The following CFAP70 variants were observed in gnomAD, a reference collection of about 807,000 sequenced individuals.
CFAP70 encodes the protein cilia- and flagella-associated protein 70.
A neutral mutation model predicts 137.6 loss-of-function variants in CFAP70; 81 were observed. The ratio of observed to expected loss-of-function variants is 0.59; its 90% CI spans 0.49 to 0.71. The LOEUF (loss-of-function observed/expected upper bound fraction) is 0.71. Among genes scored for constraint, CFAP70 ranks in the 30% least tolerant of loss-of-function variants. The probability of loss-of-function intolerance (pLI) is 0.00; values close to 1 mark genes in which losing one functional copy is unlikely to be tolerated. For synonymous variants in CFAP70, 382 were observed against 423.6 expected, an observed-to-expected ratio of 0.90 and a Z score of 1.20; for missense variants, 976 against 1,226.7, an observed-to-expected ratio of 0.80 and a Z score of 3.05.
chr10:73,304,847 T>TA lies in CFAP70; in HGVS notation c.1257-5183dup, dbSNP rs755417161. On this transcript the variant is annotated intron_variant, in intron 12 of 26. Transcript: ENST00000310715. Reference sequence around the variant, plus strand: ...AAACTCCCATCCCTCCAGATAAACTTAAAAAAAAAAAACACACACACCAGA... The same window carrying TA: ...AAACTCCCATCCCTCCAGATAAACTTAAAAAAAAAAAAACACACACACCAGA... Among the ~76,000 whole-genome samples, 328 of 138,322 alleles carry TA rather than the reference T, an allele frequency of 2.4e-3. 1 individual carries two copies. Among genetic ancestry groups the TA allele is most frequent in the East Asian group, 0.019 (83 of 4,398 alleles). 90.7% of individuals were successfully genotyped at this position (138,322 alleles called of 152,430 possible).
chr10:73,282,689 C>T (rs934964756), intron 19 of CFAP70, among the ~76,000 whole-genome samples: 1 of 151,388 alleles, frequency 6.6e-6, no homozygotes. Flanking sequence ...GTATGAGCCA[C>T]CATGCCCAGC....
At chr10:73,314,115 A>G (rs1348303220) in intron 9 of CFAP70, among the ~76,000 whole-genome samples, 1 of 152,202 alleles carries the variant, frequency 6.6e-6, no homozygotes, top group Non-Finnish European at 1.5e-5. Flanking sequence ...TTTATGTTGA[A>G]TGAAAAGAAC....
At chr10:73,310,106 C>T in intron 12 of CFAP70, 52 bp downstream of exon 13, 1 of 1,227,078 alleles carries the variant, frequency 8.1e-7, no homozygotes, top group South Asian at 1.3e-5. Context: ...CTGACTTCCT[C>T]TTATTTATAC....
At position 73,325,130 on chromosome 10, in the gene CFAP70, C is replaced by T. The variant is rs568291960; in HGVS notation, c.778-2033G>A. Among the ~76,000 whole-genome samples, 162 of 152,158 alleles carry T rather than the reference C, an allele frequency of 1.1e-3. 1 individual carries two copies. The Middle Eastern group carries it at 0.014, about 13-fold the overall frequency. On this transcript the variant is annotated intron_variant, in intron 8 of 26. Coordinates refer to ENST00000310715, the Ensembl canonical transcript of CFAP70. ...AAAGGGAAGCCCATCAGACTAACAG[C>T]GGATCTGTTGGCAGAAACTCTACAA...
At chr10:73,361,159 C>G (rs967638829), upstream of CFAP70, among the ~76,000 whole-genome samples, 2 of 151,972 alleles carry the variant, frequency 1.3e-5, no homozygotes, top group African/African-American at 4.8e-5. Flanking sequence ...TCACCACGCC[C>G]GGCTAATTTT....
chr10:73,322,279 T>C (rs886929412), intron 9 of CFAP70, among the ~76,000 whole-genome samples: 4 of 152,242 alleles, frequency 2.6e-5, no homozygotes, highest in Non-Finnish European at 5.9e-5. Flanking sequence ...TCCTTTGTAA[T>C]ACATCCCTCC....
intron 12 of CFAP70, among the ~76,000 whole-genome samples, chr10:73,304,350 G>A (rs540170756): frequency 1.2e-4 from 18 of 152,062 alleles, no homozygotes; most frequent in East Asian, 1.9e-4. Flanking sequence ...CACTGCACCC[G>A]GCCCATTTAT....
In CFAP70 at chr10:73,290,044, C is replaced by CAAAAAAAAAAAAAAA. The variant is rs397847750; in HGVS notation, c.2239+1167_2239+1181dup. ...TGGGTGACAGAGCAAGACTCCATCTCAAAAAAAAAAAAAAAAGACTTGTAG... is the reference window on the plus strand; with the variant it reads ...TGGGTGACAGAGCAAGACTCCATCTCAAAAAAAAAAAAAAAAAAAAAAAAAAAAAAAGACTTGTAG... On this transcript the variant is annotated intron_variant, in intron 19 of 26. Transcript: ENST00000310715. Among the ~76,000 whole-genome samples, 264 of 72,084 alleles carry CAAAAAAAAAAAAAAA rather than the reference C, an allele frequency of 3.7e-3. 4 individuals are homozygous for CAAAAAAAAAAAAAAA. Among genetic ancestry groups the CAAAAAAAAAAAAAAA allele is most frequent in the South Asian group, 0.011 (21 of 1,884 alleles). 47.3% of individuals were successfully genotyped at this position (72,084 alleles called of 152,430 possible).
At chr10:73,359,008 T>C (rs2054892837), upstream of CFAP70, 1 of 152,202 alleles carries the variant, frequency 6.6e-6, no homozygotes, top group Non-Finnish European at 1.5e-5. Flanking sequence ...TTTCAATATT[T>C]CTCTATAATA....
chr10:73,348,272 G>A (rs765172249), intron 4 of CFAP70, 37 bp from the exon 5 acceptor site: 2 of 1,606,978 alleles, frequency 1.2e-6, no homozygotes, highest in Non-Finnish European at 8.5e-7. Flanking sequence ...AAAGAAGAAA[G>A]GGTTAAGTTG....
At chr10:73,274,642 A>AT in intron 22 of CFAP70, 48 bp from the exon 24 acceptor site, 1 of 1,464,352 alleles carries the variant, frequency 6.8e-7, no homozygotes, top group Non-Finnish European at 9.2e-7. Flanking sequence ...TAGTATTTAA[A>AT]AGTACCTTGA....
chr10:73,344,057 G>A (rs1368089737), intron 5 of CFAP70, among the ~76,000 whole-genome samples: 2 of 151,718 alleles, frequency 1.3e-5, no homozygotes, highest in African/African-American at 4.8e-5. Context: ...CTGCCTCCCA[G>A]GTTTAAGTGG....
At chr10:73,342,877 C>T (rs2053373457) in intron 5 of CFAP70, among the ~76,000 whole-genome samples, 1 of 151,508 alleles carries the variant, frequency 6.6e-6, no homozygotes, top group African/African-American at 2.4e-5. Context: ...GAGTTCGAGA[C>T]CATCCTGGCC....
intron 8 of CFAP70, 49 bp from the exon 10 acceptor site, chr10:73,323,146 T>C: frequency 1.3e-6 from 2 of 1,534,316 alleles, no homozygotes; most frequent in Non-Finnish European, 1.8e-6. Context: ...CAATGTAATA[T>C]AAGGTATGGA....
At chr10:73,281,308 C>A (rs1258845325) in intron 19 of CFAP70, among the ~76,000 whole-genome samples, 1 of 151,648 alleles carries the variant, frequency 6.6e-6, no homozygotes, top group East Asian at 1.9e-4. Context: ...CGTGAGCCTC[C>A]CTAGTAGCCG....
chr10:73,340,616 C>T (rs1310306129), intron 6 of CFAP70, among the ~76,000 whole-genome samples: 1 of 152,214 alleles, frequency 6.6e-6, no homozygotes, highest in Non-Finnish European at 1.5e-5. Flanking sequence ...GCCTGCAAGC[C>T]CATGCCAAGC....
chr10:73,267,755 T>C (rs1462308475), intron 25 of CFAP70, among the ~76,000 whole-genome samples: 1 of 152,266 alleles, frequency 6.6e-6, no homozygotes, highest in Non-Finnish European at 1.5e-5. Context: ...GTGTCATCTA[T>C]GCTGAGTTCT....
chr10:73,353,220 T>A (rs922018500), intron 3 of CFAP70, among the ~76,000 whole-genome samples: 5 of 152,202 alleles, frequency 3.3e-5, no homozygotes, highest in Non-Finnish European at 7.4e-5. Flanking sequence ...TCTGAGAGTC[T>A]TAACTTGTGA....
chr10:73,291,394 G>T (rs143013340), exon 19 of CFAP70: 1 of 1,614,086 alleles, frequency 6.2e-7, no homozygotes, highest in Non-Finnish European at 8.5e-7. Context: ...GAGGCCTCAT[G>T]AAATGCCATT....
Sources: gnomAD v4.1 joint callset for allele counts (sites outside exome capture counted in the v4.1 genomes callset) on GRCh38, gnomAD v4.1.1 for gene constraint, MANE v1.5 for transcripts, NCBI Gene and HGNC (gene_info 2026-07-23, HGNC 2026-07-21) for gene names.